CSTPP1: variants seen among roughly 807,000 people sequenced by gnomAD.
CSTPP1 encodes the protein centriolar satellite-associated tubulin polyglutamylase complex regulator 1.
At chr11:47,096,855 A>C in the CSTPP1 span, among the ~76,000 whole-genome samples, 1 of 152,086 alleles carries the variant, frequency 6.6e-6, no homozygotes, top group African/African-American at 2.4e-5. Flanking sequence ...TCCAAAGTTC[A>C]AAAGCAGAAG....
chr11:46,995,723 C>T, the CSTPP1 span, among the ~76,000 whole-genome samples: 4 of 152,158 alleles, frequency 2.6e-5, no homozygotes, highest in Non-Finnish European at 4.4e-5. Flanking sequence ...GGAATAAGTG[C>T]GATGTGGTGC....
At chr11:47,145,778 C>G in the CSTPP1 span, among the ~76,000 whole-genome samples, 2 of 152,132 alleles carry the variant, frequency 1.3e-5, no homozygotes, top group Admixed American at 1.3e-4. Flanking sequence ...ACCATAGGCA[C>G]GTTCTACAAA....
chr11:47,141,384 C>G, the CSTPP1 span, among the ~76,000 whole-genome samples: 5 of 152,068 alleles, frequency 3.3e-5, no homozygotes, highest in Non-Finnish European at 5.9e-5. Flanking sequence ...CCTGTAATCC[C>G]AACACTTGGG....
At chr11:47,122,091 A>AAAAAATATATATATATAT in the CSTPP1 span, among the ~76,000 whole-genome samples, 1 of 31,836 alleles carries the variant, frequency 3.1e-5, no homozygotes, top group Admixed American at 4.9e-4. Context: ...AAAAAAAAAA[A>AAAAAATATATATATATAT]ATATATATAT....
At chr11:47,008,187 G>A in the CSTPP1 span, among the ~76,000 whole-genome samples, 1 of 152,020 alleles carries the variant, frequency 6.6e-6, no homozygotes, top group African/African-American at 2.4e-5. Context: ...GGCTGGTCTC[G>A]AACTCCTGAC....
the CSTPP1 span, among the ~76,000 whole-genome samples, chr11:47,028,823 G>A: frequency 6.6e-6 from 1 of 151,980 alleles, no homozygotes; most frequent in Non-Finnish European, 1.5e-5. Context: ...CATGCCATAG[G>A]AATATATATC....
the CSTPP1 span, among the ~76,000 whole-genome samples, chr11:46,961,042 C>T: frequency 2.6e-5 from 4 of 152,096 alleles, no homozygotes; most frequent in African/African-American, 4.8e-5. Context: ...CATCTGTATA[C>T]AAGTTTTTGT....
chr11:47,138,856 G>A, the CSTPP1 span, among the ~76,000 whole-genome samples: 5 of 151,988 alleles, frequency 3.3e-5, no homozygotes, highest in Admixed American at 3.3e-4. Flanking sequence ...GCGCTTGCCT[G>A]TAGTCCCAGC....
At chr11:47,145,135 G>A in the CSTPP1 span, among the ~76,000 whole-genome samples, 2 of 151,826 alleles carry the variant, frequency 1.3e-5, no homozygotes, top group African/African-American at 4.8e-5. Context: ...CTACAGGCAC[G>A]CACCACCATG....
the CSTPP1 span, among the ~76,000 whole-genome samples, chr11:47,099,014 G>A: frequency 6.6e-6 from 1 of 151,464 alleles, no homozygotes; most frequent in South Asian, 2.1e-4. Flanking sequence ...GACGGGTCTT[G>A]CTACCCATTC....
chr11:46,968,084 G>A, the CSTPP1 span, among the ~76,000 whole-genome samples: 2 of 150,792 alleles, frequency 1.3e-5, no homozygotes, highest in Non-Finnish European at 1.5e-5. Context: ...TTTCATGCTG[G>A]CTGAAACTGG....
the CSTPP1 span, among the ~76,000 whole-genome samples, chr11:47,104,733 A>C: frequency 6.6e-6 from 1 of 152,192 alleles, no homozygotes; most frequent in Non-Finnish European, 1.5e-5. Flanking sequence ...AATGGCTCTA[A>C]TCACAAGAAG....
the CSTPP1 span, among the ~76,000 whole-genome samples, chr11:47,066,106 T>TG: frequency 3.0e-3 from 432 of 142,072 alleles, 2 homozygotes; most frequent in African/African-American, 9.8e-3. Context: ...TTTTTTTTTT[T>TG]TTTTTTTTTT....
the CSTPP1 span, among the ~76,000 whole-genome samples, chr11:47,101,164 A>ATTTTTTTTTTTTTTTT: frequency 1.1e-3 from 32 of 30,380 alleles, 3 homozygotes; most frequent in African/African-American, 1.6e-3. Context: ...ACACCGGCTA[A>ATTTTTTTTTTTTTTTT]TTTTTTTTTT....
the CSTPP1 span, among the ~76,000 whole-genome samples, chr11:47,101,400 C>T: frequency 6.6e-6 from 1 of 151,442 alleles, no homozygotes; most frequent in Non-Finnish European, 1.5e-5. Flanking sequence ...CTAATTCTCA[C>T]TGACTTATGG....
the CSTPP1 span, among the ~76,000 whole-genome samples, chr11:47,042,429 A>C: frequency 6.6e-6 from 1 of 151,424 alleles, no homozygotes; most frequent in Non-Finnish European, 1.5e-5. Flanking sequence ...AAAAATGATA[A>C]TATGTATATA....
At chr11:46,951,080 A>C in the CSTPP1 span, among the ~76,000 whole-genome samples, 1 of 152,166 alleles carries the variant, frequency 6.6e-6, no homozygotes, top group Non-Finnish European at 1.5e-5. Flanking sequence ...GATTTAAGTT[A>C]TATAACTTGT....
chr11:47,039,577 G>A, the CSTPP1 span, among the ~76,000 whole-genome samples: 6 of 127,544 alleles, frequency 4.7e-5, 2 homozygotes, highest in Non-Finnish European at 1.1e-4. Flanking sequence ...AGTGGCTCAC[G>A]TCTGTAATCC....
At chr11:47,045,122 A>G in the CSTPP1 span, among the ~76,000 whole-genome samples, 2 of 152,206 alleles carry the variant, frequency 1.3e-5, no homozygotes, top group Non-Finnish European at 2.9e-5. Flanking sequence ...GATATCAGTG[A>G]TAGGTGCGAG....
Sources: gnomAD v4.1 joint callset for allele counts (sites outside exome capture counted in the v4.1 genomes callset) on GRCh38, gnomAD v4.1.1 for gene constraint, MANE v1.5 for transcripts, NCBI Gene and HGNC (gene_info 2026-07-23, HGNC 2026-07-21) for gene names.